Variants in NTRK3 observed in about 807,000 individuals in gnomAD.
NTRK3 encodes NT-3 growth factor receptor.
NTRK3 carries 24 observed loss-of-function variants against 91.7 expected under a neutral mutation model. The observed-to-expected ratio is 0.26, with a 90% CI of 0.19 to 0.37. The LOEUF (loss-of-function observed/expected upper bound fraction) is 0.37. Among genes scored for constraint, NTRK3 ranks in the 10% least tolerant of loss-of-function variants. The pLI is 1.00. For missense variants in NTRK3, 880 were observed against 1,068.9 expected (o/e 0.82, Z 2.46); for synonymous variants, 483 against 404.0 (o/e 1.20, Z -2.34).
At chr15:87,981,365 C>A in intron 14 of NTRK3, 2 of 1,613,950 alleles carry the variant, frequency 1.2e-6, no homozygotes, top group Non-Finnish European at 1.7e-6. Flanking sequence ...AGACCCCTGG[C>A]AGAAGAGGCA....
At position 88,240,880 on chromosome 15, in the gene NTRK3, C is replaced by A. The variant is rs1288624213; in HGVS notation, c.248+15026G>T. Among the ~76,000 whole-genome samples, 3 of 152,206 alleles carry A rather than the reference C, an allele frequency of 2.0e-5. No individual in the cohort carries two copies. Among genetic ancestry groups the A allele is most frequent in the Non-Finnish European group, 4.4e-5 (3 of 68,040 alleles). On this transcript the variant is annotated intron_variant, in intron 3 of 18. Coordinates refer to ENST00000394480, the Ensembl canonical transcript of NTRK3. The surrounding 1 kb of genome is among the most constrained non-coding windows in gnomAD (Gnocchi z 4.9). The stretch of plus-strand genomic sequence containing the variant: ...CCCTGCTAAGGGCAAAGCCCGAGGC[C>A]CACAAAGGTGTGGAGAGCAATGAGA...
exon 19 of NTRK3, chr15:87,866,810 T>C (rs1370315927): frequency 5.0e-6 from 1 of 198,430 alleles, no homozygotes; most frequent in East Asian, 7.8e-5. Flanking sequence ...AAAAAGGCTT[T>C]TTTTTCCCCC....
rs551148627 is a variant in NTRK3 at position 88,119,911 on chromosome 15, C to T, written c.1396+6360G>A. On this transcript the variant is annotated intron_variant, in intron 13 of 18. Coordinates refer to ENST00000394480, the Ensembl canonical transcript of NTRK3. ...ATGGTCCCAGCCCCCTTTCAGTCAC[C>T]TCGGATATCTCCTATCACACACCAC... Among the ~76,000 whole-genome samples, 83 of 152,324 alleles carry T rather than the reference C, an allele frequency of 5.4e-4. 1 individual carries two copies. The highest frequency in any genetic ancestry group is 1.8e-3 in the African/African-American group (75 of 41,566).
At chr15:88,165,116 T>C (rs1231227617) in intron 5 of NTRK3, among the ~76,000 whole-genome samples, 2 of 152,178 alleles carry the variant, frequency 1.3e-5, no homozygotes, top group Non-Finnish European at 2.9e-5. Context: ...GCAATCTGCA[T>C]TGAGACTTAG....
At chr15:88,229,411 T>C (rs889137886) in intron 3 of NTRK3, among the ~76,000 whole-genome samples, 8 of 152,194 alleles carry the variant, frequency 5.3e-5, no homozygotes, top group Admixed American at 1.3e-4. Flanking sequence ...CCAAAGCTTG[T>C]TGAGTGACTC....
chr15:88,131,341 C>A (rs1046393800), intron 10 of NTRK3, among the ~76,000 whole-genome samples: 1 of 152,220 alleles, frequency 6.6e-6, no homozygotes, highest in African/African-American at 2.4e-5. Context: ...TATTCTCTAA[C>A]TACTTGTGGG....
intron 3 of NTRK3, among the ~76,000 whole-genome samples, chr15:88,248,578 G>C (rs906039050): frequency 6.6e-6 from 1 of 152,136 alleles, no homozygotes; most frequent in Non-Finnish European, 1.5e-5. Flanking sequence ...ATGCATAAGA[G>C]TATTGCAAAA....
At chr15:87,956,140 T>C (rs1318261864) in intron 14 of NTRK3, among the ~76,000 whole-genome samples, 1 of 152,160 alleles carries the variant, frequency 6.6e-6, no homozygotes, top group African/African-American at 2.4e-5. Flanking sequence ...GGAGAATATA[T>C]GGAAAAATGA....
At chr15:88,188,500 A>G (rs1315893534) in intron 3 of NTRK3, among the ~76,000 whole-genome samples, 1 of 152,224 alleles carries the variant, frequency 6.6e-6, no homozygotes, top group African/African-American at 2.4e-5. Flanking sequence ...AAATGTCCAC[A>G]GCACCAGGAT....
At chr15:88,076,592 C>A (rs1006021743) in intron 13 of NTRK3, among the ~76,000 whole-genome samples, 8 of 140,524 alleles carry the variant, frequency 5.7e-5, no homozygotes, top group Non-Finnish European at 1.5e-5. Context: ...ACAGGGGATA[C>A]AAGAAGAAAA....
chr15:88,041,754 T>C (rs1166385667), intron 13 of NTRK3, among the ~76,000 whole-genome samples: 2 of 151,276 alleles, frequency 1.3e-5, no homozygotes, highest in African/African-American at 4.9e-5. Flanking sequence ...CCAATGGTAC[T>C]TTAATTTCTT....
chr15:88,212,331 C>G (rs891971924), intron 3 of NTRK3, among the ~76,000 whole-genome samples: 5 of 152,178 alleles, frequency 3.3e-5, no homozygotes, highest in African/African-American at 1.2e-4. Flanking sequence ...GATCGCGCCA[C>G]TGCACTCCAG....
intron 14 of NTRK3, among the ~76,000 whole-genome samples, chr15:88,004,444 A>G (rs2076344863): frequency 6.6e-6 from 1 of 152,202 alleles, no homozygotes; most frequent in Non-Finnish European, 1.5e-5. Context: ...GAAAATCCAA[A>G]CCATTCAGTC....
At chr15:88,145,992 C>A (rs1368919795) in intron 6 of NTRK3, among the ~76,000 whole-genome samples, 1 of 152,158 alleles carries the variant, frequency 6.6e-6, no homozygotes, top group Non-Finnish European at 1.5e-5. Context: ...GTATACTTAA[C>A]CTTGCTAAGC....
At chr15:88,136,230 C>T (rs1410232641) in intron 8 of NTRK3, among the ~76,000 whole-genome samples, 190 bp from the exon 9 acceptor site, 1 of 152,214 alleles carries the variant, frequency 6.6e-6, no homozygotes, top group Non-Finnish European at 1.5e-5. Context: ...TCCTATTAAC[C>T]CTATGAGGTG....
At chr15:88,103,007 C>T (rs1458727120) in intron 13 of NTRK3, among the ~76,000 whole-genome samples, 1 of 152,206 alleles carries the variant, frequency 6.6e-6, no homozygotes, top group Non-Finnish European at 1.5e-5. Flanking sequence ...ATAAGAACTA[C>T]ATGGATGTCA....
chr15:88,036,453 A>T lies in NTRK3; in HGVS notation c.1397-3408T>A, dbSNP rs951152348. On this transcript the variant is annotated intron_variant, in intron 13 of 18. Coordinates refer to ENST00000394480, the Ensembl canonical transcript of NTRK3. ...AAAAAAAAATCAATCCACTCTAAGA[A>T]CAAAATAAAAGTATTTGCAAATGTG... Among the ~76,000 whole-genome samples the T allele has an allele frequency of 7.2e-5, 11 of 152,306 alleles. No homozygotes were observed. In the East Asian group the frequency reaches 2.1e-3, roughly 29 times the overall value.
intron 5 of NTRK3, among the ~76,000 whole-genome samples, chr15:88,149,132 A>G (rs2043148766): frequency 6.6e-6 from 1 of 152,090 alleles, no homozygotes; most frequent in South Asian, 2.1e-4. Context: ...ATAGGGAGGG[A>G]GTCCACCCAG....
At chr15:87,945,603 C>T (rs1034279388) in intron 14 of NTRK3, among the ~76,000 whole-genome samples, 2 of 150,672 alleles carry the variant, frequency 1.3e-5, no homozygotes, top group East Asian at 2.0e-4. Flanking sequence ...CCCTGTGGGG[C>T]AGGAGGGGAG....
Sources: gnomAD v4.1 joint callset for allele counts (sites outside exome capture counted in the v4.1 genomes callset) on GRCh38, gnomAD v4.1.1 for gene constraint, Gnocchi (gnomAD v3.1) non-coding constraint, MANE v1.5 for transcripts, NCBI Gene and HGNC (gene_info 2026-07-23, HGNC 2026-07-21) for gene names.